Variants in HIPK2 observed in about 807,000 individuals in gnomAD.
HIPK2 encodes homeodomain-interacting protein kinase 2.
In HIPK2, 27 loss-of-function variants were observed where a neutral mutation model predicts 113.7. The ratio of observed to expected loss-of-function variants is 0.24; its 90% CI spans 0.17 to 0.33. The LOEUF is 0.33. HIPK2 is among the 10% of genes least tolerant of loss of function. The pLI, the probability that HIPK2 is intolerant of heterozygous loss-of-function variation, is 1.00. For missense variants in HIPK2, 1,257 were observed against 1,588.0 expected (o/e 0.79, Z 3.54); for synonymous variants, 631 against 642.2 (o/e 0.98, Z 0.26).
At position 139,627,331 on chromosome 7, in the gene HIPK2, TATGTATGC is replaced by T. The variant is rs1484459987; in HGVS notation, c.1435-554_1435-547del. ...GTATGTATGTATGTATGTATGTATG[TATGTATGC>T]ATGTATTTAACCTTTAGAGGGAAGT... On this transcript the variant is annotated intron_variant, in intron 5 of 14. Transcript: ENST00000406875. Among the ~76,000 whole-genome samples, 228 of 151,916 alleles carry T rather than the reference TATGTATGC, an allele frequency of 1.5e-3. 1 individual carries two copies. Among genetic ancestry groups the T allele is most frequent in the African/African-American group, 5.2e-3 (214 of 41,350 alleles).
rs564977992 is a variant in HIPK2, at chr7:139,585,709, G to A, written c.2718-1645C>T. The stretch of plus-strand genomic sequence containing the variant: ...TTCAATGATACACAACACATGGTAA[G>A]TATTCCATAATAGCTGCTATTCTTC... On this transcript the variant is annotated intron_variant, in intron 12 of 14. Coordinates refer to ENST00000406875, the MANE Select transcript of HIPK2 (RefSeq NM_022740.5). Among the ~76,000 whole-genome samples the A allele has an allele frequency of 1.7e-4, 26 of 152,304 alleles. No homozygotes were observed. In the East Asian group the frequency reaches 4.6e-3, roughly 27 times the overall value.
At chr7:139,659,490 G>T (rs1801792924) in intron 2 of HIPK2, among the ~76,000 whole-genome samples, 1 of 152,240 alleles carries the variant, frequency 6.6e-6, no homozygotes, top group Admixed American at 6.5e-5. Context: ...CCCGGCTGCA[G>T]CTGCAGCTTG....
At chr7:139,742,210 G>T (rs1796114658) in intron 1 of HIPK2, among the ~76,000 whole-genome samples, 1 of 152,216 alleles carries the variant, frequency 6.6e-6, no homozygotes, top group African/African-American at 2.4e-5. Context: ...GTCTGGCTTT[G>T]TGTTGATTTT....
At chr7:139,661,215 C>G (rs113634769) in intron 2 of HIPK2, among the ~76,000 whole-genome samples, 2 of 152,208 alleles carry the variant, frequency 1.3e-5, no homozygotes, top group Non-Finnish European at 2.9e-5. Context: ...CTCCAGCACA[C>G]CACTGGATAA....
chr7:139,606,379 C>A (rs1371232548), intron 9 of HIPK2, among the ~76,000 whole-genome samples: 1 of 152,068 alleles, frequency 6.6e-6, no homozygotes, highest in Non-Finnish European at 1.5e-5. Context: ...ATAACTTGCC[C>A]TGAAATATGG....
intron 2 of HIPK2, among the ~76,000 whole-genome samples, chr7:139,666,299 G>A (rs10247507): frequency 0.23 from 34,684 of 152,082 alleles, 4,779 homozygotes; most frequent in African/African-American, 0.39. Context: ...GCTACCATGG[G>A]TTCAGGCCTT....
At chr7:139,615,813 T>C (rs760622884) in intron 7 of HIPK2, among the ~76,000 whole-genome samples, 8 of 152,260 alleles carry the variant, frequency 5.3e-5, no homozygotes, top group Non-Finnish European at 8.8e-5. Flanking sequence ...GCAAAGCAAA[T>C]TGATTTGTTT....
chr7:139,587,691 C>A lies in HIPK2; in HGVS notation c.2718-3627G>T, dbSNP rs1798883152. Among the ~76,000 whole-genome samples the A allele has an allele frequency of 2.0e-5, 3 of 151,902 alleles. No homozygotes were observed. In the South Asian group the frequency reaches 6.2e-4, roughly 32 times the overall value. ...GCCAGAAGTTTGAGAGCAGCCTGGG[C>A]AACACAGTGAGATCCCACCTCTACA... On this transcript the variant is annotated intron_variant, in intron 12 of 14. Transcript: ENST00000406875.
chr7:139,604,050 C>T, intron 10 of HIPK2, 31 bp downstream of exon 10: 1 of 1,613,284 alleles, frequency 6.2e-7, no homozygotes, highest in Non-Finnish European at 8.5e-7. Context: ...CCCAGACACA[C>T]CCACTCACCC....
At chr7:139,598,518 G>A (rs764146760) in intron 11 of HIPK2, among the ~76,000 whole-genome samples, 2 of 152,136 alleles carry the variant, frequency 1.3e-5, no homozygotes, top group Non-Finnish European at 2.9e-5. Flanking sequence ...GCATTGTTAA[G>A]GAAAAGTATG....
rs573425110 is a variant in HIPK2 at position 139,569,902 on chromosome 7, T to C, written c.*3025A>G. 2.6e-5 allele frequency: 4 copies of C among 152,286 alleles called. No individual in the cohort carries two copies. The highest frequency in any genetic ancestry group is 4.8e-5 in the African/African-American group (2 of 41,552). The allele number at this position is 152,286 out of a possible 1,614,324, so 9.4% of individuals were successfully genotyped here. On this transcript the variant is annotated 3_prime_UTR_variant, in exon 15 of 15. Coordinates refer to ENST00000406875, the MANE Select transcript of HIPK2 (RefSeq NM_022740.5). The stretch of plus-strand genomic sequence containing the variant: ...TAAAATATCAACATAATGATCATAA[T>C]TACAATGGTAATAAAAATAATTAGT...
chr7:139,713,924 C>T (rs1385840788), intron 2 of HIPK2, among the ~76,000 whole-genome samples: 1 of 152,236 alleles, frequency 6.6e-6, no homozygotes, highest in Non-Finnish European at 1.5e-5. Context: ...GGGCACCCAA[C>T]CCTCCAGATT....
At chr7:139,751,825 G>A (rs926152484) in intron 1 of HIPK2, among the ~76,000 whole-genome samples, 25 of 152,168 alleles carry the variant, frequency 1.6e-4, no homozygotes, top group Admixed American at 1.6e-3. Flanking sequence ...CAGGGATCAT[G>A]TTAATCTCTG....
chr7:139,756,518 G>A (rs1178507549), intron 1 of HIPK2, among the ~76,000 whole-genome samples: 3 of 152,242 alleles, frequency 2.0e-5, no homozygotes, highest in East Asian at 1.9e-4. Context: ...TCTGCCTCCC[G>A]GGTTCAAGCA....
intron 1 of HIPK2, among the ~76,000 whole-genome samples, chr7:139,718,344 G>A (rs527453392): frequency 6.6e-6 from 1 of 152,114 alleles, no homozygotes; most frequent in Non-Finnish European, 1.5e-5. Context: ...CTGTCTCTCT[G>A]AGCCCCTGGC....
intron 2 of HIPK2, among the ~76,000 whole-genome samples, chr7:139,713,504 G>T (rs948118710): frequency 6.6e-6 from 1 of 152,196 alleles, no homozygotes; most frequent in Admixed American, 6.5e-5. Flanking sequence ...AAGATGACAA[G>T]GGGGTCTTAA....
At chr7:139,604,638 G>A (rs1454852050) in intron 9 of HIPK2, among the ~76,000 whole-genome samples, 2 of 144,040 alleles carry the variant, frequency 1.4e-5, no homozygotes, top group East Asian at 4.1e-4. Context: ...GAGCCGAGAT[G>A]GCGCCACTGC....
chr7:139,775,303 T>C (rs1356119484), intron 1 of HIPK2, among the ~76,000 whole-genome samples: 3 of 152,148 alleles, frequency 2.0e-5, no homozygotes, highest in Non-Finnish European at 1.5e-5. Flanking sequence ...AAGGAGGTCA[T>C]CAGAGTCTTG....
intron 2 of HIPK2, among the ~76,000 whole-genome samples, chr7:139,715,489 C>T (rs1795199372): frequency 6.6e-6 from 1 of 152,218 alleles, no homozygotes; most frequent in Non-Finnish European, 1.5e-5. Flanking sequence ...TTAAGACCCC[C>T]AGTGACCTGG....
Sources: gnomAD v4.1 joint callset for allele counts (sites outside exome capture counted in the v4.1 genomes callset) on GRCh38, gnomAD v4.1.1 for gene constraint, MANE v1.5 for transcripts, NCBI Gene and HGNC (gene_info 2026-07-23, HGNC 2026-07-21) for gene names.